Variants in SNX27 observed in about 807,000 individuals in gnomAD.
SNX27 encodes sorting nexin 27, also known as sorting nexin-27.
SNX27 carries 22 observed loss-of-function variants against 71.6 expected under a neutral mutation model. The ratio of observed to expected loss-of-function variants is 0.31; its 90% CI spans 0.22 to 0.44. SNX27 has a LOEUF of 0.44. Among genes scored for constraint, SNX27 ranks in the 20% least tolerant of loss-of-function variants. The pLI, the probability that SNX27 is intolerant of heterozygous loss-of-function variation, is 1.00. For missense variants in SNX27, 531 were observed against 698.6 expected (o/e 0.76, Z 2.70); for synonymous variants, 269 against 277.2 (o/e 0.97, Z 0.29).
intron 6 of SNX27, among the ~76,000 whole-genome samples, chr1:151,667,892 G>T (rs1050617490): frequency 6.7e-6 from 1 of 149,648 alleles, no homozygotes; most frequent in Non-Finnish European, 1.5e-5. Flanking sequence ...TAATGGATTA[G>T]ATATTTTAAC....
At chr1:151,666,070 T>C (rs1005252006) in intron 6 of SNX27, 59 bp downstream of exon 6, 2 of 1,373,340 alleles carry the variant, frequency 1.5e-6, no homozygotes, top group Non-Finnish European at 2.1e-6. Flanking sequence ...AAGAAACATT[T>C]ACCTAGAGAA....
chr1:151,695,361 G>A lies in SNX27; in HGVS notation c.*944G>A, dbSNP rs1354353206. 2 of 149,344 alleles carry A rather than the reference G, an allele frequency of 1.3e-5. No individual in the cohort carries two copies. The highest frequency in any genetic ancestry group is 3.0e-5 in the Non-Finnish European group (2 of 67,782). 9.3% of individuals were successfully genotyped at this position (149,344 alleles called of 1,614,324 possible). ...CTGGCTCAGGAGGTTGATGCCATGG[G>A]AACCTGAACCTGAAACACTTCATGG... is the stretch of plus-strand genomic sequence containing the variant. On this transcript the variant is annotated 3_prime_UTR_variant, in exon 12 of 12. Coordinates refer to ENST00000458013, the MANE Select transcript of SNX27 (RefSeq NM_001330723.2).
In SNX27 at chr1:151,642,544, A is replaced by G. The variant is rs371833255; in HGVS notation, c.543+3425A>G. Among the ~76,000 whole-genome samples the G allele has an allele frequency of 2.0e-5, 3 of 152,138 alleles. No individual in the cohort carries two copies. In the East Asian group the frequency reaches 5.8e-4, roughly 29 times the overall value. The stretch of plus-strand genomic sequence containing the variant: ...ATAATGCTTTTTTGTGTTCTAAGAA[A>G]TCTACCTAACCCAAGGACACCAATC... On this transcript the variant is annotated intron_variant, in intron 2 of 11. Coordinates refer to ENST00000458013, the MANE Select transcript of SNX27 (RefSeq NM_001330723.2).
chr1:151,691,249 T>C (rs922479603), intron 8 of SNX27, among the ~76,000 whole-genome samples: 1 of 151,714 alleles, frequency 6.6e-6, no homozygotes, highest in Non-Finnish European at 1.5e-5. Flanking sequence ...GCCACTGCAC[T>C]CCGGCCTGGG....
chr1:151,627,729 A>G (rs560704467), intron 1 of SNX27, among the ~76,000 whole-genome samples: 1 of 142,432 alleles, frequency 7.0e-6, no homozygotes, highest in East Asian at 2.0e-4. Context: ...CGCCTGGCCA[A>G]GGTTCACTCT....
chr1:151,662,098 C>A, intron 4 of SNX27, 68 bp from the exon 5 acceptor site: 1 of 1,084,402 alleles, frequency 9.2e-7, no homozygotes, highest in Non-Finnish European at 1.4e-6. Context: ...TATTGTCTAG[C>A]TAGCTTGTTA....
In SNX27 at chr1:151,683,723, G is replaced by A. The variant is rs141964392; in HGVS notation, c.1239+278G>A. 2.1e-3 allele frequency among the ~76,000 whole-genome samples: 315 copies of A among 152,288 alleles called. 2 individuals carry two copies. The highest frequency in any genetic ancestry group is 7.1e-3 in the African/African-American group (295 of 41,548). Reference sequence around the variant, plus strand: ...GCTCTGTTGCCCAGGCTGAAGTGCAGTGTCGCGATCTAGGCTCACTGCAAC... The same window carrying A: ...GCTCTGTTGCCCAGGCTGAAGTGCAATGTCGCGATCTAGGCTCACTGCAAC... On this transcript the variant is annotated intron_variant, in intron 8 of 11. Transcript: ENST00000458013.
chr1:151,656,223 CAAAA>C lies in SNX27; in HGVS notation c.544-1995_544-1992del, dbSNP rs71093203. On this transcript the variant is annotated intron_variant, in intron 2 of 11. Transcript: ENST00000458013. Reference sequence around the variant, plus strand: ...TGGGTGACAGAGCGAGACTCCGTCTCAAAAAAAAAAAAAAAAAAAAGACCAGTGA... The same window carrying C: ...TGGGTGACAGAGCGAGACTCCGTCTCAAAAAAAAAAAAAAAAGACCAGTGA... Among the ~76,000 whole-genome samples, 9 of 77,446 alleles carry C rather than the reference CAAAA, an allele frequency of 1.2e-4. No homozygotes were observed. The South Asian group carries it at 1.4e-3, about 12-fold the overall frequency. 50.8% of individuals were successfully genotyped at this position (77,446 alleles called of 152,430 possible). A position where few individuals can be genotyped will look rare whatever the true frequency, so the allele number is the denominator to read the frequency against.
At position 151,665,992 on chromosome 1, in the gene SNX27, A is replaced by G; in HGVS notation, c.966A>G (p.Glu322=). 1 of 1,611,694 alleles carries G rather than the reference A, an allele frequency of 6.2e-7. No individual in the cohort carries two copies. Among genetic ancestry groups the G allele is most frequent in the Non-Finnish European group, 8.5e-7 (1 of 1,178,436 alleles). The change falls in exon 6 of 12, where the codon GAA becomes GAG. Residue 322 remains glutamate, a synonymous_variant. Transcript: ENST00000458013. ...CAGTGAATTACTTTGCCTTATTTGA[A>G]GTGATCAGTCACTCCTTTGGTAAGT... The part of the protein sequence containing the change: ...STTVNYFALF[E]VISHSFVRKL...
chr1:151,617,575 C>G (rs1222768734), intron 1 of SNX27, among the ~76,000 whole-genome samples: 4 of 152,192 alleles, frequency 2.6e-5, no homozygotes, highest in Non-Finnish European at 5.9e-5. Flanking sequence ...TGAGCCACTG[C>G]GCCCAGTCAG....
intron 2 of SNX27, among the ~76,000 whole-genome samples, chr1:151,654,067 G>C (rs772120447): frequency 1.3e-5 from 2 of 152,050 alleles, no homozygotes; most frequent in Non-Finnish European, 2.9e-5. Flanking sequence ...TTTTGACCTC[G>C]TGATCCACCC....
At chr1:151,638,699 C>T (rs556961958) in intron 1 of SNX27, among the ~76,000 whole-genome samples, 189 bp from the exon 2 acceptor site, 8 of 152,242 alleles carry the variant, frequency 5.3e-5, no homozygotes, top group Non-Finnish European at 1.0e-4. Context: ...TTTTTCCCCC[C>T]GCCATAAGTT....
chr1:151,656,339 A>G (rs1241070905), intron 2 of SNX27, among the ~76,000 whole-genome samples: 3 of 152,216 alleles, frequency 2.0e-5, no homozygotes, highest in African/African-American at 7.2e-5. Flanking sequence ...ATCAATAAGA[A>G]AAGCCAAAAA....
intron 2 of SNX27, among the ~76,000 whole-genome samples, chr1:151,653,547 C>G (rs1669534910): frequency 6.6e-6 from 1 of 152,132 alleles, no homozygotes; most frequent in Admixed American, 6.5e-5. Flanking sequence ...GAGACAAGCT[C>G]TCCTTCTATC....
chr1:151,672,107 C>T (rs182231412), intron 7 of SNX27, among the ~76,000 whole-genome samples: 16 of 152,276 alleles, frequency 1.1e-4, no homozygotes, highest in African/African-American at 3.9e-4. Flanking sequence ...TTCAGTTTCT[C>T]CCCATTCAGG....
chr1:151,660,726 C>G, intron 3 of SNX27, 72 bp from the exon 4 acceptor site: 2 of 1,189,840 alleles, frequency 1.7e-6, no homozygotes, highest in Non-Finnish European at 2.5e-6. Flanking sequence ...AAACTTAAAA[C>G]TTTGATACGT....
At chr1:151,624,662 C>T (rs1571764716) in intron 1 of SNX27, among the ~76,000 whole-genome samples, 1 of 151,248 alleles carries the variant, frequency 6.6e-6, no homozygotes, top group East Asian at 1.9e-4. Context: ...GAACTCCTGA[C>T]CTCAGGTGAT....
At chr1:151,693,782 A>T (rs907718016) in intron 11 of SNX27, 14 of 1,471,814 alleles carry the variant, frequency 9.5e-6, no homozygotes, top group Non-Finnish European at 1.3e-5. Context: ...TTTAAATCAG[A>T]TCACCCTCCA....
intron 1 of SNX27, among the ~76,000 whole-genome samples, chr1:151,630,088 G>A (rs1462381832): frequency 1.3e-5 from 2 of 150,338 alleles, no homozygotes; most frequent in African/African-American, 2.4e-5. Context: ...TCCAGCCTGG[G>A]CGACAGAGTG....
Sources: gnomAD v4.1 joint callset for allele counts (sites outside exome capture counted in the v4.1 genomes callset) on GRCh38, gnomAD v4.1.1 for gene constraint, MANE v1.5 for transcripts, NCBI Gene and HGNC (gene_info 2026-07-23, HGNC 2026-07-21) for gene names.